The following SLC28A1 variants were observed in gnomAD, a reference collection of about 807,000 sequenced individuals.
SLC28A1 encodes the protein solute carrier family 28 member 1.
SLC28A1 carries 64 observed loss-of-function variants against 74.8 expected under a neutral mutation model. The ratio of observed to expected loss-of-function variants is 0.86; its 90% confidence interval spans 0.70 to 1.05. The LOEUF is 1.05. SLC28A1 is among the 50% of genes least tolerant of loss of function. The pLI, the probability that SLC28A1 is intolerant of heterozygous loss-of-function variation, is 0.00. For synonymous variants in SLC28A1, 359 were observed against 335.0 expected (o/e 1.07, Z -0.78); for missense variants, 828 against 822.8 (o/e 1.01, Z -0.08).
At chr15:84,968,891 G>A in the SLC28A1 span, among the ~76,000 whole-genome samples, 2 of 152,140 alleles carry the variant, frequency 1.3e-5, no homozygotes, top group African/African-American at 4.8e-5. Flanking sequence ...CAGAGAGTAA[G>A]CCCAGCCCAT....
Position 84,924,021 on chromosome 15 carries a change from G to C in SLC28A1, c.994G>C (p.Asp332His), listed in dbSNP as rs766569346. Residue 332 changes from aspartate (D) to histidine (H), a missense_variant, in exon 12 of 19, where the codon GAC (aspartate) becomes CAC (histidine). Asp to His is a moderately conservative substitution (Grantham distance 81). This residue lies in a region of SLC28A1 where 767 missense variants were observed against 753.5 expected (regional missense o/e 1.02). Transcript: ENST00000394573. ...ATTACTGATCCGGCCCTACTTGGCA[G>C]ACATGACACTCTCTGAAGTCCACGT... is the stretch of plus-strand genomic sequence containing the variant. ...APLLIRPYLA[D>H]MTLSEVHVVM... is the part of the protein sequence containing the mutation. The C allele has an allele frequency of 1.9e-6, 3 of 1,614,078 alleles. No individual in the cohort carries two copies. The highest frequency in any genetic ancestry group is 2.2e-5 in the South Asian group (2 of 91,078).
intron 8 of SLC28A1, among the ~76,000 whole-genome samples, chr15:84,908,449 G>C (rs1377315845): frequency 1.3e-5 from 2 of 152,070 alleles, no homozygotes; most frequent in Non-Finnish European, 2.9e-5. Flanking sequence ...CTCCCAAAGT[G>C]CTGAGATTAC....
At chr15:84,893,914 TGCCAG>T (rs1222662026) in intron 5 of SLC28A1, among the ~76,000 whole-genome samples, 1 of 152,222 alleles carries the variant, frequency 6.6e-6, no homozygotes, top group Admixed American at 6.5e-5. Flanking sequence ...TTGGCGGCCT[TGCCAG>T]GCTCAGGCGC....
chr15:84,901,241 C>CA (rs1448696869), intron 6 of SLC28A1, among the ~76,000 whole-genome samples: 5 of 152,196 alleles, frequency 3.3e-5, no homozygotes, highest in Non-Finnish European at 5.9e-5. Flanking sequence ...AGCAGTGGCT[C>CA]ACGCCTATAA....
intron 7 of SLC28A1, among the ~76,000 whole-genome samples, chr15:84,904,502 C>G (rs1727103180): frequency 6.6e-6 from 1 of 152,182 alleles, no homozygotes; most frequent in African/African-American, 2.4e-5. Context: ...CAGTCTAATC[C>G]TGGTCTTCAG....
intron 6 of SLC28A1, among the ~76,000 whole-genome samples, chr15:84,899,671 AAAT>A (rs573698244): frequency 2.2e-4 from 34 of 152,322 alleles, no homozygotes; most frequent in African/African-American, 7.7e-4. Flanking sequence ...AAAGAAGAGG[AAAT>A]AAGAACTCTT....
At chr15:84,895,711 A>G (rs1412285581) in intron 6 of SLC28A1, 15 of 1,353,392 alleles carry the variant, frequency 1.1e-5, no homozygotes, top group African/African-American at 1.5e-5. Context: ...CTCTAAATTT[A>G]TGTGTTTTAT....
chr15:84,969,993 A>C, the SLC28A1 span, among the ~76,000 whole-genome samples: 2 of 152,228 alleles, frequency 1.3e-5, no homozygotes, highest in African/African-American at 4.8e-5. Context: ...GTGACAGAGG[A>C]CCTAACTAGA....
chr15:84,904,881 C>T (rs556865606), intron 7 of SLC28A1, among the ~76,000 whole-genome samples: 2 of 152,372 alleles, frequency 1.3e-5, no homozygotes, highest in East Asian at 1.9e-4. Flanking sequence ...CAGATGGAAT[C>T]TTCTCTCTCT....
downstream of SLC28A1, among the ~76,000 whole-genome samples, chr15:84,946,112 A>ATTTTTTTTTTTTTTT: frequency 3.7e-4 from 5 of 13,476 alleles, 2 homozygotes; most frequent in African/African-American, 9.9e-4. Context: ...ATATATATAT[A>ATTTTTTTTTTTTTTT]TTTTTTTTTT....
chr15:84,974,565 G>C, the SLC28A1 span, among the ~76,000 whole-genome samples: 1 of 152,214 alleles, frequency 6.6e-6, no homozygotes, highest in East Asian at 1.9e-4. Flanking sequence ...CAAAGCTATG[G>C]TGGGATTGTG....
At chr15:84,906,310 A>G (rs1207946880) in intron 8 of SLC28A1, among the ~76,000 whole-genome samples, 1 of 151,508 alleles carries the variant, frequency 6.6e-6, no homozygotes, top group African/African-American at 2.4e-5. Flanking sequence ...GTAAGCCACC[A>G]CACCTGGGCC....
chr15:84,962,865 G>C, the SLC28A1 span, among the ~76,000 whole-genome samples: 1 of 152,226 alleles, frequency 6.6e-6, no homozygotes, highest in Non-Finnish European at 1.5e-5. Context: ...GGACATGGCT[G>C]CCTGGTACAC....
At chr15:84,935,944 G>GTTTTTTTTTTTTTTTT (rs1555456047) in intron 15 of SLC28A1, among the ~76,000 whole-genome samples, 1 of 90,106 alleles carries the variant, frequency 1.1e-5, no homozygotes, top group Non-Finnish European at 2.1e-5. Flanking sequence ...GTTTTGGTTT[G>GTTTTTTTTTTTTTTTT]GTTTTTGTTT....
At chr15:84,923,093 A>T (rs11636486) in intron 11 of SLC28A1, among the ~76,000 whole-genome samples, 3 of 151,872 alleles carry the variant, frequency 2.0e-5, no homozygotes, top group Non-Finnish European at 4.4e-5. Context: ...ATGTGTCAGC[A>T]TGCCCGGCTA....
chr15:84,948,492 T>TA (rs1567198491), downstream of SLC28A1, among the ~76,000 whole-genome samples: 1 of 152,178 alleles, frequency 6.6e-6, no homozygotes, highest in Non-Finnish European at 1.5e-5. Context: ...GCCAAATCTG[T>TA]ACTCTTGCCA....
Position 84,945,225 on chromosome 15 carries a change from C to A in SLC28A1, c.*25C>A. 1 of 1,607,176 alleles carries A rather than the reference C, an allele frequency of 6.2e-7. No individual in the cohort carries two copies. Among genetic ancestry groups the A allele is most frequent in the South Asian group, 1.1e-5 (1 of 90,924 alleles). ...AGGACAGAACATGCTTGTGCTTCTGCGCTTCTGAGGGCTGTTCTCCCCCGG... is the reference window on the plus strand; with the variant it reads ...AGGACAGAACATGCTTGTGCTTCTGAGCTTCTGAGGGCTGTTCTCCCCCGG... On this transcript the variant is annotated 3_prime_UTR_variant, in exon 19 of 19. Coordinates refer to ENST00000394573, the MANE Select transcript of SLC28A1 (RefSeq NM_004213.5).
chr15:84,923,871 C>T (rs1280119226), intron 11 of SLC28A1, 114 bp from the exon 12 acceptor site: 1 of 1,393,680 alleles, frequency 7.2e-7, no homozygotes, highest in Non-Finnish European at 1.0e-6. Flanking sequence ...TGGTCCTTAC[C>T]CCATCCTGCT....
At chr15:84,887,703 G>A (rs1287156929) in intron 2 of SLC28A1, 42 bp from the exon 3 acceptor site, 2 of 1,596,230 alleles carry the variant, frequency 1.3e-6, no homozygotes, top group Non-Finnish European at 1.7e-6. Flanking sequence ...GCCCTGCCCG[G>A]CCTCCCTTTC....
Sources: gnomAD v4.1 joint callset for allele counts (sites outside exome capture counted in the v4.1 genomes callset) on GRCh38, gnomAD v4.1.1 for gene constraint, gnomAD v4.1.1 regional missense constraint, MANE v1.5 for transcripts, NCBI Gene and HGNC (gene_info 2026-07-23, HGNC 2026-07-21) for gene names.